Variants in KSR2 observed in about 807,000 individuals in gnomAD.
KSR2 encodes kinase suppressor of ras 2.
Under a neutral mutation model 107.8 loss-of-function variants are expected in KSR2, and 25 were observed. The ratio of observed to expected loss-of-function variants is 0.23; its 90% CI spans 0.17 to 0.32. The LOEUF (loss-of-function observed/expected upper bound fraction) is 0.32. Ranked by LOEUF, KSR2 falls within the 10% of genes least tolerant of loss-of-function variation. KSR2 has a pLI of 1.00. For synonymous variants in KSR2, 480 were observed against 507.0 expected (o/e 0.95, Z 0.71); for missense variants, 887 against 1,268.9 (o/e 0.70, Z 4.57).
chr12:117,637,079 G>A (rs1019840177), intron 5 of KSR2, among the ~76,000 whole-genome samples: 1 of 151,910 alleles, frequency 6.6e-6, no homozygotes, highest in African/African-American at 2.4e-5. Flanking sequence ...TTAGGGAAAT[G>A]CAAACTGAAA....
intron 5 of KSR2, among the ~76,000 whole-genome samples, chr12:117,608,918 C>T (rs7967918): frequency 0.34 from 52,013 of 151,782 alleles, 10,860 homozygotes; most frequent in South Asian, 0.48. Flanking sequence ...GGTAATAGCT[C>T]AGACTTGGGG....
intron 7 of KSR2, among the ~76,000 whole-genome samples, chr12:117,571,812 T>C (rs1462555928): frequency 6.6e-6 from 1 of 152,092 alleles, no homozygotes; most frequent in Non-Finnish European, 1.5e-5. Flanking sequence ...TCCTAGTGTG[T>C]GTTCCTCACT....
intron 3 of KSR2, among the ~76,000 whole-genome samples, chr12:117,794,239 T>TCACATCAACATGCACA (rs1890484451): frequency 3.3e-5 from 1 of 30,576 alleles, no homozygotes; most frequent in South Asian, 1.5e-3. Context: ...ACATGCACAC[T>TCACATCAACATGCACA]CACACCAACA....
At chr12:117,474,082 C>T (rs764700503) in intron 17 of KSR2, among the ~76,000 whole-genome samples, 8 of 152,126 alleles carry the variant, frequency 5.3e-5, no homozygotes, top group Non-Finnish European at 7.3e-5. Context: ...ACCAGAGAGC[C>T]GGGTCCTTCG....
At chr12:117,617,996 G>A (rs916184453) in intron 5 of KSR2, among the ~76,000 whole-genome samples, 7 of 152,092 alleles carry the variant, frequency 4.6e-5, no homozygotes, top group African/African-American at 1.7e-4. Context: ...TCTCTTCAGG[G>A]TCTGATTTTT....
intron 7 of KSR2, among the ~76,000 whole-genome samples, chr12:117,560,696 T>G (rs1211788058): frequency 6.6e-6 from 1 of 152,238 alleles, no homozygotes; most frequent in Non-Finnish European, 1.5e-5. Context: ...AAGTTGGAAG[T>G]GGACCTAGTG....
rs544667741 is a variant in KSR2 at position 117,467,132 on chromosome 12, A to G, written c.*67T>C. The stretch of plus-strand genomic sequence containing the variant: ...AGTCTCTGGCCTCCTGAGCTGGCAG[A>G]GGACAGAGTAGGGAGGGAGAGGTGA... On this transcript the variant is annotated 3_prime_UTR_variant, in exon 20 of 20. Coordinates refer to ENST00000339824, the MANE Select transcript of KSR2 (RefSeq NM_173598.6). The G allele has an allele frequency of 6.5e-6, 4 of 616,164 alleles. No individual in the cohort carries two copies. Among genetic ancestry groups the G allele is most frequent in the South Asian group, 2.1e-5 (1 of 47,032 alleles). The allele number at this position is 616,164 out of a possible 1,614,324, so 38.2% of individuals were successfully genotyped here.
At chr12:117,791,855 G>A (rs967607308) in intron 3 of KSR2, among the ~76,000 whole-genome samples, 1 of 152,154 alleles carries the variant, frequency 6.6e-6, no homozygotes, top group Non-Finnish European at 1.5e-5. Flanking sequence ...CCAACTAAAC[G>A]TACTCTGTGT....
chr12:117,550,898 A>G (rs192218143), intron 9 of KSR2, among the ~76,000 whole-genome samples: 63 of 152,304 alleles, frequency 4.1e-4, no homozygotes, highest in Non-Finnish European at 7.6e-4. Flanking sequence ...GTCTAGTTTC[A>G]TGAGGCCCAG....
chr12:117,464,617 T>C lies in KSR2; in HGVS notation c.*2582A>G, dbSNP rs930231470. The C allele has an allele frequency of 1.3e-5, 2 of 152,226 alleles. No homozygotes were observed. The highest frequency in any genetic ancestry group is 1.3e-4 in the Admixed American group (2 of 15,286). The allele number at this position is 152,226 out of a possible 1,614,324, so 9.4% of individuals were successfully genotyped here. A position where few individuals can be genotyped will look rare whatever the true frequency, so the allele number is the denominator to read the frequency against. ...TTAAATGTGTGCAAATTAAAGCTGG[T>C]TTCTCAACAAGTCAGGGCGGTGTAG... On this transcript the variant is annotated 3_prime_UTR_variant, in exon 20 of 20. Transcript: ENST00000339824.
chr12:117,751,206 T>C (rs1038805101), intron 4 of KSR2, among the ~76,000 whole-genome samples: 1 of 152,180 alleles, frequency 6.6e-6, no homozygotes, highest in African/African-American at 2.4e-5. Flanking sequence ...GCTGCCGCCA[T>C]GTGAAGAAGG....
chr12:117,968,399 C>T lies in KSR2; in HGVS notation c.-144G>A, dbSNP rs190769244. On this transcript the variant is annotated 5_prime_UTR_variant, in exon 1 of 20. The change creates a new upstream start codon in the 5' untranslated region. Transcript: ENST00000339824. ...TGAAGAAGAAATCCAACATCTCACA[C>T]AGGGTTGAGGGGGTGGGAGTGGGAG... is the stretch of plus-strand genomic sequence containing the variant. 2.4e-4 allele frequency: 327 copies of T among 1,377,610 alleles called. No individual in the cohort carries two copies. In the African/African-American group the frequency reaches 2.7e-3, roughly 12 times the overall value. The allele number at this position is 1,377,610 out of a possible 1,614,324, so 85.3% of individuals were successfully genotyped here.
chr12:117,484,448 G>A lies in KSR2; in HGVS notation c.2418C>T (p.Leu806=). ...NGKVVITDFG[L]FSISGVLQAG... ...CCTGCAGCACCCCAGAAATGCTGAA[G>A]AGTCCAAAGTCCGTGATGACCACTT... Residue 806 remains leucine, a synonymous_variant, in exon 16 of 20, where the codon CTC becomes CTT. Transcript: ENST00000339824. The A allele has an allele frequency of 4.3e-6, 7 of 1,614,008 alleles. No individual in the cohort carries two copies. Among genetic ancestry groups the A allele is most frequent in the Non-Finnish European group, 5.1e-6 (6 of 1,179,872 alleles).
chr12:117,560,887 C>T (rs372580531), intron 7 of KSR2, among the ~76,000 whole-genome samples: 6 of 152,174 alleles, frequency 3.9e-5, no homozygotes, highest in African/African-American at 1.2e-4. Context: ...CCCCCTTCTC[C>T]TTCTGCTATA....
chr12:117,697,655 G>T (rs1433980881), intron 4 of KSR2, among the ~76,000 whole-genome samples: 1 of 150,454 alleles, frequency 6.6e-6, no homozygotes, highest in Non-Finnish European at 1.5e-5. Context: ...CAGGTGAATC[G>T]CTTGAACCCA....
intron 5 of KSR2, among the ~76,000 whole-genome samples, chr12:117,659,658 C>T (rs959765493): frequency 1.3e-5 from 2 of 152,140 alleles, no homozygotes; most frequent in Non-Finnish European, 2.9e-5. Flanking sequence ...CTGGGCAAGT[C>T]CTTCCTACTC....
At chr12:117,814,278 C>A (rs1891295534) in intron 3 of KSR2, among the ~76,000 whole-genome samples, 1 of 152,064 alleles carries the variant, frequency 6.6e-6, no homozygotes, top group Non-Finnish European at 1.5e-5. Flanking sequence ...GTTCCCAAGA[C>A]AAAGAAATGA....
At chr12:117,698,135 C>T (rs1229865138) in intron 4 of KSR2, among the ~76,000 whole-genome samples, 2 of 152,188 alleles carry the variant, frequency 1.3e-5, no homozygotes, top group African/African-American at 4.8e-5. Flanking sequence ...ATCAACCCTG[C>T]TCCCACCTTG....
intron 3 of KSR2, among the ~76,000 whole-genome samples, chr12:117,836,677 A>G (rs1892226473): frequency 6.6e-6 from 1 of 152,236 alleles, no homozygotes; most frequent in Admixed American, 6.5e-5. Context: ...CAGCTGAATG[A>G]CGCAGCCGGG....
Sources: gnomAD v4.1 joint callset for allele counts (sites outside exome capture counted in the v4.1 genomes callset) on GRCh38, gnomAD v4.1.1 for gene constraint, MANE v1.5 for transcripts, NCBI Gene and HGNC (gene_info 2026-07-23, HGNC 2026-07-21) for gene names.